BDH1: variants seen among roughly 807,000 people sequenced by gnomAD.
BDH1 encodes the protein 3-hydroxybutyrate dehydrogenase 1.
Under a neutral mutation model 33.1 loss-of-function variants are expected in BDH1, and 30 were observed. The ratio of observed to expected loss-of-function variants is 0.91; its 90% CI spans 0.68 to 1.23. BDH1 has a LOEUF of 1.23. Among genes scored for constraint, BDH1 ranks in the 50% most tolerant of loss-of-function variants. The probability of loss-of-function intolerance (pLI) is 0.00; values close to 1 mark genes in which losing one functional copy is unlikely to be tolerated. For missense variants in BDH1, 443 were observed against 464.4 expected, an observed-to-expected ratio of 0.95 and a Z score of 0.42; for synonymous variants, 190 against 183.6, an observed-to-expected ratio of 1.03 and a Z score of -0.28.
At chr3:197,548,995 G>A (rs1180986924) in intron 2 of BDH1, among the ~76,000 whole-genome samples, 1 of 152,140 alleles carries the variant, frequency 6.6e-6, no homozygotes, top group South Asian at 2.1e-4. Flanking sequence ...GACTCTTCAG[G>A]GTAGCTGTCT....
At chr3:197,517,351 C>T (rs1286350193) in intron 6 of BDH1, among the ~76,000 whole-genome samples, 2 of 109,206 alleles carry the variant, frequency 1.8e-5, no homozygotes, top group African/African-American at 3.7e-5. Context: ...CCCCTCAGGC[C>T]GACCCCATCA....
chr3:197,537,545 A>G (rs1715261887), intron 3 of BDH1, among the ~76,000 whole-genome samples: 1 of 152,216 alleles, frequency 6.6e-6, no homozygotes, highest in African/African-American at 2.4e-5. Context: ...GCTAGAAATT[A>G]CAGCACTATG....
At chr3:197,550,146 C>G (rs1471549360) in intron 2 of BDH1, among the ~76,000 whole-genome samples, 1 of 152,082 alleles carries the variant, frequency 6.6e-6, no homozygotes, top group Non-Finnish European at 1.5e-5. Flanking sequence ...AGAGAAGTAA[C>G]CATTCTCAAA....
At chr3:197,568,347 G>A (rs139778242) in intron 1 of BDH1, among the ~76,000 whole-genome samples, 126 of 151,676 alleles carry the variant, frequency 8.3e-4, no homozygotes, top group African/African-American at 2.9e-3. Context: ...TATAGGTATT[G>A]AGTAGCTTTT....
intron 7 of BDH1, among the ~76,000 whole-genome samples, chr3:197,513,315 G>A (rs1712283998): frequency 6.6e-6 from 1 of 151,592 alleles, no homozygotes; most frequent in African/African-American, 2.4e-5. Context: ...ATCCAGGTGT[G>A]TCCCGGGGAG....
intron 1 of BDH1, chr3:197,573,140 C>G (rs2686110): frequency 6.6e-6 from 1 of 152,134 alleles, no homozygotes; most frequent in Non-Finnish European, 1.5e-5. Flanking sequence ...GCTGACCGCT[C>G]TCAGTGACAG....
At chr3:197,542,907 C>G (rs114812734) in intron 3 of BDH1, among the ~76,000 whole-genome samples, 3,052 of 152,236 alleles carry the variant, frequency 0.02, 101 homozygotes, top group African/African-American at 0.069. Context: ...TGCCCTAACC[C>G]AGGAACAGAA....
At chr3:197,569,802 G>A (rs1175971048) in intron 1 of BDH1, among the ~76,000 whole-genome samples, 3 of 152,160 alleles carry the variant, frequency 2.0e-5, no homozygotes, top group African/African-American at 7.2e-5. Flanking sequence ...TCAGTCTTGG[G>A]TATGCCTTTA....
At chr3:197,568,907 G>A (rs1225133295) in intron 1 of BDH1, among the ~76,000 whole-genome samples, 2 of 152,138 alleles carry the variant, frequency 1.3e-5, no homozygotes, top group African/African-American at 4.8e-5. Flanking sequence ...ATCAATGCAG[G>A]CTCCCTGTTT....
intron 1 of BDH1, among the ~76,000 whole-genome samples, chr3:197,563,639 G>A (rs1414445029): frequency 1.3e-5 from 2 of 152,064 alleles, no homozygotes; most frequent in Non-Finnish European, 2.9e-5. Context: ...TTAAGTAATA[G>A]ATATTTCATT....
At chr3:197,531,715 G>C (rs572052893) in intron 5 of BDH1, among the ~76,000 whole-genome samples, 2 of 152,270 alleles carry the variant, frequency 1.3e-5, no homozygotes, top group East Asian at 1.9e-4. Context: ...ATGGTCAAGA[G>C]AGAGAATTCT....
chr3:197,557,505 G>A (rs1717107884), upstream of BDH1, among the ~76,000 whole-genome samples: 1 of 152,240 alleles, frequency 6.6e-6, no homozygotes, highest in Non-Finnish European at 1.5e-5. This position sits in a 1 kb window ranked among gnomAD's most constrained non-coding sequence, Gnocchi z 4.6. Context: ...AGCACTGTAG[G>A]AGGCTGAGGC....
chr3:197,553,331 C>T (rs1457080070), intron 2 of BDH1, among the ~76,000 whole-genome samples: 92 of 150,286 alleles, frequency 6.1e-4, no homozygotes, highest in Non-Finnish European at 1.2e-3. Context: ...GAGATCGAGA[C>T]CATCCTGGCC....
chr3:197,553,826 C>T (rs1716771799), intron 2 of BDH1, among the ~76,000 whole-genome samples: 1 of 152,158 alleles, frequency 6.6e-6, no homozygotes, highest in Non-Finnish European at 1.5e-5. Context: ...AAGGTAGAGT[C>T]CGCTACCATT....
rs531703659 is a variant in BDH1 at position 197,514,766 on chromosome 3, C to T, written c.410-350G>A. ...CACTCCACCCCATCCCATCCCCACA[C>T]CCTGAGTTTGAGTTTCACGCCCCGT... On this transcript the variant is annotated intron_variant, in intron 6 of 7. Coordinates refer to ENST00000392379, the MANE Select transcript of BDH1 (RefSeq NM_203314.3). This position sits in a 1 kb window ranked among gnomAD's most constrained non-coding sequence, Gnocchi z 4.2. 1.3e-5 allele frequency among the ~76,000 whole-genome samples: 2 copies of T among 152,206 alleles called. No homozygotes were observed. Among genetic ancestry groups the T allele is most frequent in the Non-Finnish European group, 2.9e-5 (2 of 68,038 alleles).
rs1714280185 is a variant in BDH1, at chr3:197,528,123, A to C, written c.267+4289T>G. ...ACAGGGAACACTGTCAGCTTATCTTAGGTGCTCAGTAAATATCTGCTGAAT... is the reference window on the plus strand; with the variant it reads ...ACAGGGAACACTGTCAGCTTATCTTCGGTGCTCAGTAAATATCTGCTGAAT... On this transcript the variant is annotated intron_variant, in intron 5 of 7. Coordinates refer to ENST00000392379, the MANE Select transcript of BDH1 (RefSeq NM_203314.3). The surrounding 1 kb of genome is among the most constrained non-coding windows in gnomAD (Gnocchi z 5.1). Among the ~76,000 whole-genome samples, 1 of 152,204 alleles carries C rather than the reference A, an allele frequency of 6.6e-6. No individual in the cohort carries two copies. Among genetic ancestry groups the C allele is most frequent in the Non-Finnish European group, 1.5e-5 (1 of 68,046 alleles).
chr3:197,563,677 T>C (rs2108774754), intron 1 of BDH1, among the ~76,000 whole-genome samples: 1 of 152,348 alleles, frequency 6.6e-6, no homozygotes, highest in South Asian at 2.1e-4. Flanking sequence ...TAAAAATATA[T>C]TTGTAAGAAA....
upstream of BDH1, among the ~76,000 whole-genome samples, chr3:197,558,863 C>T (rs188379323): frequency 6.6e-6 from 1 of 152,306 alleles, no homozygotes; most frequent in East Asian, 1.9e-4. Context: ...AGCAAGAGAC[C>T]TCACGTATCT....
At chr3:197,530,469 G>A (rs1346663782) in intron 5 of BDH1, 1 of 151,978 alleles carries the variant, frequency 6.6e-6, no homozygotes, top group Non-Finnish European at 1.5e-5. Context: ...CCGGCTACTT[G>A]GGAGGCTGAG....
Sources: gnomAD v4.1 joint callset for allele counts (sites outside exome capture counted in the v4.1 genomes callset) on GRCh38, gnomAD v4.1.1 for gene constraint, Gnocchi (gnomAD v3.1) non-coding constraint, MANE v1.5 for transcripts, NCBI Gene and HGNC (gene_info 2026-07-23, HGNC 2026-07-21) for gene names.